The following ITGA1 variants were observed in gnomAD, a reference collection of about 807,000 sequenced individuals.
ITGA1 encodes integrin alpha-1.
A neutral mutation model predicts 145.9 loss-of-function variants in ITGA1; 85 were observed. That is an observed-to-expected ratio of 0.58 (90% CI 0.49 to 0.70). The LOEUF (loss-of-function observed/expected upper bound fraction) is 0.70. Ranked by LOEUF, ITGA1 falls within the 30% of genes least tolerant of loss-of-function variation. ITGA1 has a pLI of 0.00. For synonymous variants in ITGA1, 520 were observed against 495.3 expected (o/e 1.05, Z -0.66); for missense variants, 1,351 against 1,418.7 (o/e 0.95, Z 0.77).
intron 6 of ITGA1, among the ~76,000 whole-genome samples, chr5:52,874,439 A>ATT (rs10675224): frequency 0.71 from 108,285 of 151,460 alleles, 39,295 homozygotes; most frequent in Admixed American, 0.82. Context: ...TGTAGCAGAA[A>ATT]CATAGCTACT....
At chr5:52,932,183 G>T (rs201511615) in intron 22 of ITGA1, 47 bp downstream of exon 22, 1 of 1,216,942 alleles carries the variant, frequency 8.2e-7, no homozygotes, top group East Asian at 2.4e-5. Flanking sequence ...TATTAACCCA[G>T]TGGTTCTGAA....
intron 2 of ITGA1, among the ~76,000 whole-genome samples, chr5:52,859,223 A>G (rs938388412): frequency 2.5e-4 from 38 of 152,178 alleles, no homozygotes; most frequent in Admixed American, 2.3e-3. Flanking sequence ...GTTCGATCAT[A>G]AATAATTTTT....
At chr5:52,869,275 C>T (rs1260887026) in intron 6 of ITGA1, among the ~76,000 whole-genome samples, 1 of 152,172 alleles carries the variant, frequency 6.6e-6, no homozygotes, top group African/African-American at 2.4e-5. Flanking sequence ...ATTCTCGTGC[C>T]TCAGCCTTCT....
chr5:52,800,884 G>A, intron 1 of ITGA1: 7 of 1,613,040 alleles, frequency 4.3e-6, no homozygotes, highest in Non-Finnish European at 5.9e-6. Flanking sequence ...GGCCAAGGTG[G>A]AGGTGAACAT....
intron 1 of ITGA1, among the ~76,000 whole-genome samples, chr5:52,843,593 C>T (rs1010099813): frequency 6.6e-6 from 1 of 152,194 alleles, no homozygotes; most frequent in Non-Finnish European, 1.5e-5. Flanking sequence ...TCAACAGCCT[C>T]TGTCACCTCC....
chr5:52,883,415 G>A (rs7711361), intron 7 of ITGA1, among the ~76,000 whole-genome samples: 9 of 152,156 alleles, frequency 5.9e-5, no homozygotes, highest in African/African-American at 2.2e-4. Context: ...TTCACAAAGG[G>A]TATAGCTGTG....
chr5:52,828,345 C>A (rs1311598902), intron 1 of ITGA1, among the ~76,000 whole-genome samples: 1 of 152,104 alleles, frequency 6.6e-6, no homozygotes, highest in Non-Finnish European at 1.5e-5. Context: ...TTTATTATGG[C>A]CATTCTACTG....
At chr5:52,884,228 G>C (rs555171665) in intron 7 of ITGA1, among the ~76,000 whole-genome samples, 32 of 152,116 alleles carry the variant, frequency 2.1e-4, no homozygotes, top group Non-Finnish European at 4.3e-4. Flanking sequence ...TGGATCACCT[G>C]AGGTCAGGAG....
chr5:52,955,477 AT>A lies in ITGA1; in HGVS notation c.*3028del, dbSNP rs1338630288. The A allele has an allele frequency of 6.6e-6, 1 of 152,194 alleles. No individual in the cohort carries two copies. The highest frequency in any genetic ancestry group is 1.5e-5 in the Non-Finnish European group (1 of 68,022). 9.4% of individuals were successfully genotyped at this position (152,194 alleles called of 1,614,324 possible). A position where few individuals can be genotyped will look rare whatever the true frequency, so the allele number is the denominator to read the frequency against. ...GTTTTAAATTATGCCAAAAGTACTG[AT>A]TATATCAAGCCCAGTAAACATAATG... On this transcript the variant is annotated 3_prime_UTR_variant, in exon 29 of 29. Transcript: ENST00000282588.
chr5:52,898,209 ATAT>A (rs1363748633), intron 10 of ITGA1, 27 bp from the exon 11 acceptor site: 1 of 1,379,138 alleles, frequency 7.3e-7, no homozygotes, highest in Admixed American at 2.8e-5. Flanking sequence ...TTTTTATTAA[ATAT>A]TATTATCTTA....
At position 52,954,971 on chromosome 5, in the gene ITGA1, C is replaced by T. The variant is rs1467147173; in HGVS notation, c.*2520C>T. ...CTTTTAAAACATTTAATTAGAAAAA[C>T]AGGTGATATTTAAGACTATTTATAA... is the stretch of plus-strand genomic sequence containing the variant. On this transcript the variant is annotated 3_prime_UTR_variant, in exon 29 of 29. Coordinates refer to ENST00000282588, the MANE Select transcript of ITGA1 (RefSeq NM_181501.2). The T allele has an allele frequency of 6.6e-6, 1 of 152,022 alleles. No individual in the cohort carries two copies. The highest frequency in any genetic ancestry group is 2.4e-5 in the African/African-American group (1 of 41,398). 9.4% of individuals were successfully genotyped at this position (152,022 alleles called of 1,614,324 possible).
chr5:52,902,664 C>G (rs1254467321), intron 11 of ITGA1: 1 of 152,136 alleles, frequency 6.6e-6, no homozygotes, highest in African/African-American at 2.4e-5. Context: ...ACCTCCACCT[C>G]CTGGGTTCAA....
intron 1 of ITGA1, among the ~76,000 whole-genome samples, chr5:52,818,626 G>A (rs2111699022): frequency 6.6e-6 from 1 of 152,264 alleles, no homozygotes; most frequent in Non-Finnish European, 1.5e-5. Context: ...TCCAGGAAGA[G>A]ATTATAAATA....
At chr5:52,890,658 A>C (rs1018164434) in intron 8 of ITGA1, among the ~76,000 whole-genome samples, 4 of 152,232 alleles carry the variant, frequency 2.6e-5, no homozygotes, top group Admixed American at 2.6e-4. Context: ...ACAGGCATAC[A>C]GTGGCTAATG....
chr5:52,832,727 C>T (rs951830224), intron 1 of ITGA1, among the ~76,000 whole-genome samples: 10 of 146,496 alleles, frequency 6.8e-5, no homozygotes, highest in South Asian at 2.2e-4. Flanking sequence ...TTATAGGTAT[C>T]GAAAAGACCC....
intron 9 of ITGA1, 99 bp downstream of exon 9, chr5:52,893,939 T>A: frequency 2.2e-6 from 2 of 912,922 alleles, no homozygotes; most frequent in South Asian, 3.5e-5. Context: ...TAATACTTTT[T>A]TTTTTTTTTT....
intron 7 of ITGA1, among the ~76,000 whole-genome samples, chr5:52,886,284 C>T (rs894170636): frequency 6.6e-6 from 1 of 152,200 alleles, no homozygotes; most frequent in African/African-American, 2.4e-5. Context: ...CAGTTGTCAA[C>T]ATCTTGTCAT....
Position 52,788,196 on chromosome 5 carries a change from A to C in ITGA1, c.-158A>C. 1 of 500,812 alleles carries C rather than the reference A, an allele frequency of 2.0e-6. No homozygotes were observed. The allele number at this position is 500,812 out of a possible 1,614,324, so 31.0% of individuals were successfully genotyped here. A position where few individuals can be genotyped will look rare whatever the true frequency, so the allele number is the denominator to read the frequency against. The stretch of plus-strand genomic sequence containing the variant: ...TAGAGGAATTCGACGAAAACACAGG[A>C]AATCACTCCTCTCCCGCTCCTGGGC... On this transcript the variant is annotated 5_prime_UTR_variant, in exon 1 of 29. Coordinates refer to ENST00000282588, the MANE Select transcript of ITGA1 (RefSeq NM_181501.2).
At chr5:52,807,465 G>A (rs1267764082) in intron 1 of ITGA1, among the ~76,000 whole-genome samples, 1 of 152,122 alleles carries the variant, frequency 6.6e-6, no homozygotes, top group African/African-American at 2.4e-5. Flanking sequence ...ATAACAGTTA[G>A]TGGGTGTGAT....
Sources: allele counts gnomAD v4.1 joint callset (sites outside exome capture counted in the v4.1 genomes callset), GRCh38; gene constraint gnomAD v4.1.1; transcripts MANE v1.5; gene names NCBI Gene and HGNC (gene_info 2026-07-23, HGNC 2026-07-21).